The following CRMP1 variants were observed in gnomAD, a reference collection of about 807,000 sequenced individuals.
CRMP1 encodes collapsin response mediator protein 1.
A neutral mutation model predicts 68.3 loss-of-function variants in CRMP1; 19 were observed. The ratio of observed to expected loss-of-function variants is 0.28; its 90% CI spans 0.19 to 0.41. The LOEUF is 0.41. Ranked by LOEUF, CRMP1 falls within the 10% of genes least tolerant of loss-of-function variation. The pLI is 1.00. For synonymous variants in CRMP1, 439 were observed against 399.6 expected (o/e 1.10, Z -1.18); for missense variants, 791 against 967.4 (o/e 0.82, Z 2.42).
intron 2 of CRMP1, among the ~76,000 whole-genome samples, chr4:5,862,317 C>A (rs10223006): frequency 6.8e-6 from 1 of 147,686 alleles, no homozygotes; most frequent in Non-Finnish European, 1.5e-5. Flanking sequence ...CAATCCCTTA[C>A]CCCCAGAATG....
rs1713898983 is a variant in CRMP1 at position 5,865,223 on chromosome 4, G to A, written c.470+1445C>T. On this transcript the variant is annotated intron_variant, in intron 2 of 13. Coordinates refer to ENST00000324989, the MANE Select transcript of CRMP1 (RefSeq NM_001014809.3). This position sits in a 1 kb window ranked among gnomAD's most constrained non-coding sequence, Gnocchi z 4.1. ...CACTCATGCTGGATCCTTAAACAGT[G>A]TCCTTCTCTTCTCTTCCAGATTTCA... Among the ~76,000 whole-genome samples, 1 of 151,942 alleles carries A rather than the reference G, an allele frequency of 6.6e-6. No homozygotes were observed. The highest frequency in any genetic ancestry group is 1.5e-5 in the Non-Finnish European group (1 of 68,014).
At chr4:5,862,029 T>A (rs1713602319) in intron 2 of CRMP1, among the ~76,000 whole-genome samples, 1 of 152,104 alleles carries the variant, frequency 6.6e-6, no homozygotes, top group Non-Finnish European at 1.5e-5. Flanking sequence ...TGGGCTCCTG[T>A]GAGAAGCTGG....
intron 5 of CRMP1, 152 bp downstream of exon 5, chr4:5,851,256 C>G: frequency 1.4e-6 from 1 of 729,670 alleles, no homozygotes; most frequent in Non-Finnish European, 2.4e-6. Flanking sequence ...GGGGCAATGA[C>G]TGACACCGTA....
rs1033532540 is a variant in CRMP1, at chr4:5,891,486, T to C, written c.381+1103A>G. 6.6e-6 allele frequency among the ~76,000 whole-genome samples: 1 copy of C among 152,180 alleles called. No individual in the cohort carries two copies. Among genetic ancestry groups the C allele is most frequent in the Non-Finnish European group, 1.5e-5 (1 of 68,032 alleles). On this transcript the variant is annotated intron_variant, in intron 1 of 13. Transcript: ENST00000324989. This position sits in a 1 kb window ranked among gnomAD's most constrained non-coding sequence, Gnocchi z 5.2. ...TGTAATAAAAGTCAACAACAAACAT[T>C]TATTGAATGCTCACTACCGACCGGC...
intron 4 of CRMP1, 80 bp downstream of exon 4, chr4:5,856,063 G>C (rs375993735): frequency 6.5e-7 from 1 of 1,532,496 alleles, no homozygotes; most frequent in Non-Finnish European, 8.9e-7. Context: ...CAGACAGGGG[G>C]ATTTTTCACT....
At position 5,853,229 on chromosome 4, in the gene CRMP1, A is replaced by G. The variant is rs139433834; in HGVS notation, c.821-1760T>C. On this transcript the variant is annotated intron_variant, in intron 4 of 13. Transcript: ENST00000324989. This position sits in a 1 kb window ranked among gnomAD's most constrained non-coding sequence, Gnocchi z 4.7. Reference sequence around the variant, plus strand: ...AGAGTTCAGGACCAGCCTGGCCAATATGGTGATACCCCGTCTCTACTAAAA... The same window carrying G: ...AGAGTTCAGGACCAGCCTGGCCAATGTGGTGATACCCCGTCTCTACTAAAA... Among the ~76,000 whole-genome samples the G allele has an allele frequency of 0.033, 5,080 of 152,276 alleles. 115 individuals are homozygous for G. Among genetic ancestry groups the G allele is most frequent in the South Asian group, 0.057 (273 of 4,818 alleles).
intron 12 of CRMP1, among the ~76,000 whole-genome samples, chr4:5,827,578 CCACA>C (rs769930750): frequency 3.2e-4 from 48 of 152,046 alleles, no homozygotes; most frequent in African/African-American, 1.1e-3. Flanking sequence ...ACACACATGG[CCACA>C]CACACAGAGC....
chr4:5,822,504 G>A (rs1718809895), intron 13 of CRMP1, among the ~76,000 whole-genome samples: 2 of 148,774 alleles, frequency 1.3e-5, no homozygotes, highest in East Asian at 1.9e-4. Context: ...GGGGGGGGGG[G>A]TGGTGTGCAG....
At chr4:5,823,489 C>T (rs1280128117) in intron 13 of CRMP1, among the ~76,000 whole-genome samples, 1 of 152,174 alleles carries the variant, frequency 6.6e-6, no homozygotes, top group Non-Finnish European at 1.5e-5. Context: ...CCCAAAACTT[C>T]GTGTTGAAAT....
rs1220580353 is a variant in CRMP1 at position 5,855,207 on chromosome 4, G to A, written c.820+936C>T. Among the ~76,000 whole-genome samples the A allele has an allele frequency of 6.6e-6, 1 of 152,222 alleles. No homozygotes were observed. Among genetic ancestry groups the A allele is most frequent in the Non-Finnish European group, 1.5e-5 (1 of 68,036 alleles). On this transcript the variant is annotated intron_variant, in intron 4 of 13. Coordinates refer to ENST00000324989, the MANE Select transcript of CRMP1 (RefSeq NM_001014809.3). This position sits in a 1 kb window ranked among gnomAD's most constrained non-coding sequence, Gnocchi z 4.9. ...TGCACATTTAGAGTAAATTGTGATT[G>A]GGGGTAGAACCAGAGGAAAACAATT... is the stretch of plus-strand genomic sequence containing the variant.
rs1195286256 is a variant in CRMP1 at position 5,821,094 on chromosome 4, G to C, written c.*666C>G. The stretch of plus-strand genomic sequence containing the variant: ...CACAGACCAGAAGACAGCACGGTGA[G>C]TTACAAGTGCCACGGAGACCAGGGT... On this transcript the variant is annotated 3_prime_UTR_variant, in exon 14 of 14. Coordinates refer to ENST00000324989, the MANE Select transcript of CRMP1 (RefSeq NM_001014809.3). The surrounding 1 kb of genome is among the most constrained non-coding windows in gnomAD (Gnocchi z 4.4). The C allele has an allele frequency of 6.6e-6, 1 of 152,404 alleles. No individual in the cohort carries two copies. Among genetic ancestry groups the C allele is most frequent in the South Asian group, 2.1e-4 (1 of 4,836 alleles). 9.4% of individuals were successfully genotyped at this position (152,404 alleles called of 1,614,324 possible). A position where few individuals can be genotyped will look rare whatever the true frequency, so the allele number is the denominator to read the frequency against.
Position 5,888,195 on chromosome 4 carries a change from C to T in CRMP1, c.381+4394G>A, listed in dbSNP as rs1284712764. On this transcript the variant is annotated intron_variant, in intron 1 of 13. Coordinates refer to ENST00000324989, the MANE Select transcript of CRMP1 (RefSeq NM_001014809.3). This position sits in a 1 kb window ranked among gnomAD's most constrained non-coding sequence, Gnocchi z 6.4. The stretch of plus-strand genomic sequence containing the variant: ...GCGCCCACTCCCAGCCCACAAAGGC[C>T]AGCGCGGGGCGGCGGGGGCGGGGGC... The T allele has an allele frequency of 2.4e-6, 3 of 1,252,496 alleles. No individual in the cohort carries two copies. The highest frequency in any genetic ancestry group is 3.1e-5 in the African/African-American group (2 of 64,432). 77.6% of individuals were successfully genotyped at this position (1,252,496 alleles called of 1,614,324 possible). A position where few individuals can be genotyped will look rare whatever the true frequency, so the allele number is the denominator to read the frequency against.
chr4:5,847,274 A>C (rs567839208), intron 6 of CRMP1, among the ~76,000 whole-genome samples: 1 of 152,296 alleles, frequency 6.6e-6, no homozygotes, highest in South Asian at 2.1e-4. Context: ...ACAGCCAAGG[A>C]GCCTCATCCA....
Position 5,870,643 on chromosome 4 carries a change from G to A in CRMP1, c.382-3887C>T, listed in dbSNP as rs757773543. Among the ~76,000 whole-genome samples, 18 of 152,214 alleles carry A rather than the reference G, an allele frequency of 1.2e-4. No homozygotes were observed. Among genetic ancestry groups the A allele is most frequent in the African/African-American group, 1.9e-4 (8 of 41,456 alleles). On this transcript the variant is annotated intron_variant, in intron 1 of 13. Transcript: ENST00000324989. The surrounding 1 kb of genome is among the most constrained non-coding windows in gnomAD (Gnocchi z 6.0). ...GAGAAAGGCATCACAGCTGTGAGCC[G>A]AGGAAGACCAGTGTGAAGAGGCACA...
chr4:5,841,502 A>G lies in CRMP1; in HGVS notation c.1033-74T>C. ...CTACCACCCATCTCCATTTTCCTTA[A>G]TTGAATGTGATCAGAAGGGAAATCT... On this transcript the variant is annotated intron_variant, in intron 7 of 13. Coordinates refer to ENST00000324989, the MANE Select transcript of CRMP1 (RefSeq NM_001014809.3). This position sits in a 1 kb window ranked among gnomAD's most constrained non-coding sequence, Gnocchi z 6.9. 6.3e-7 allele frequency: 1 copy of G among 1,588,860 alleles called. No homozygotes were observed. Among genetic ancestry groups the G allele is most frequent in the Non-Finnish European group, 8.6e-7 (1 of 1,164,732 alleles).
In CRMP1 at chr4:5,861,624, G is replaced by T. The variant is rs1178869854; in HGVS notation, c.471-414C>A. 6.6e-6 allele frequency among the ~76,000 whole-genome samples: 1 copy of T among 152,182 alleles called. No homozygotes were observed. The highest frequency in any genetic ancestry group is 1.5e-5 in the Non-Finnish European group (1 of 68,024). On this transcript the variant is annotated intron_variant, in intron 2 of 13. Coordinates refer to ENST00000324989, the MANE Select transcript of CRMP1 (RefSeq NM_001014809.3). This position sits in a 1 kb window ranked among gnomAD's most constrained non-coding sequence, Gnocchi z 6.0. ...AGGAGGTTAAATTCCAAATGGGGAA[G>T]GAGGGAAAAGAGCCTACGAAATGAG...
At chr4:5,826,056 A>G in intron 12 of CRMP1, 1 of 283,396 alleles carries the variant, frequency 3.5e-6, no homozygotes, top group Non-Finnish European at 6.6e-6. Context: ...GCATACTCAC[A>G]TATGTATACA....
At chr4:5,851,610 C>A in intron 4 of CRMP1, 141 bp from the exon 5 acceptor site, 1 of 803,112 alleles carries the variant, frequency 1.2e-6, no homozygotes. Flanking sequence ...GGGCACCTAT[C>A]CAGCCTGAGG....
In CRMP1 at chr4:5,856,275, G is replaced by C; in HGVS notation, c.688C>G (p.Leu230Val). The change falls in exon 4 of 14, where the codon CTA becomes GTA. Residue 230 changes from leucine (L) to valine (V), a missense_variant. Physicochemically the swap from Leu to Val is conservative, Grantham distance 32. Transcript: ENST00000324989. ...DHVVPEPGSS[L>V]LTSFEKWHEA... ...TGCCACTTCTCGAAAGAGGTCAGTAGGCTGGACCCAGGTTCAGGAACAACA... is the reference window on the plus strand; with the variant it reads ...TGCCACTTCTCGAAAGAGGTCAGTACGCTGGACCCAGGTTCAGGAACAACA... 1 of 1,613,674 alleles carries C rather than the reference G, an allele frequency of 6.2e-7. No individual in the cohort carries two copies.
Sources: gnomAD v4.1 joint callset for allele counts (sites outside exome capture counted in the v4.1 genomes callset) on GRCh38, gnomAD v4.1.1 for gene constraint, Gnocchi (gnomAD v3.1) non-coding constraint, MANE v1.5 for transcripts, NCBI Gene and HGNC (gene_info 2026-07-23, HGNC 2026-07-21) for gene names.